The following MAGI1 variants were observed in gnomAD, a reference collection of about 807,000 sequenced individuals.
MAGI1 encodes membrane associated guanylate kinase, WW and PDZ domain containing 1.
MAGI1 carries 58 observed loss-of-function variants against 139.9 expected under a neutral mutation model. The observed-to-expected ratio is 0.41, with a 90% CI of 0.34 to 0.52. MAGI1 has a LOEUF of 0.52. Among genes scored for constraint, MAGI1 ranks in the 20% least tolerant of loss-of-function variants. The pLI is 0.12. For missense variants in MAGI1, 1,874 were observed against 1,901.6 expected, an observed-to-expected ratio of 0.99 and a Z score of 0.27; for synonymous variants, 812 against 737.9, an observed-to-expected ratio of 1.10 and a Z score of -1.63.
intron 1 of MAGI1, among the ~76,000 whole-genome samples, chr3:65,640,458 T>C (rs1032095750): frequency 6.6e-6 from 1 of 152,146 alleles, no homozygotes; most frequent in Non-Finnish European, 1.5e-5. Flanking sequence ...CACCTTTCCA[T>C]TCCAATGACT....
chr3:65,618,937 G>A (rs1187521395), intron 2 of MAGI1, among the ~76,000 whole-genome samples: 2 of 151,992 alleles, frequency 1.3e-5, no homozygotes, highest in African/African-American at 4.8e-5. Context: ...CTTTTCTGTT[G>A]GGGTTTTTCT....
chr3:65,886,653 G>A (rs1275623613), intron 1 of MAGI1, among the ~76,000 whole-genome samples: 1 of 152,186 alleles, frequency 6.6e-6, no homozygotes. Context: ...AGAATGCACA[G>A]GAGGACAATA....
chr3:65,573,981 C>T (rs1193969113), intron 2 of MAGI1, among the ~76,000 whole-genome samples: 1 of 151,906 alleles, frequency 6.6e-6, no homozygotes, highest in Non-Finnish European at 1.5e-5. Context: ...CACACACAAG[C>T]TTAAATTATT....
At chr3:66,009,179 G>T (rs1222638766) in intron 1 of MAGI1, 1 of 152,276 alleles carries the variant, frequency 6.6e-6, no homozygotes, top group African/African-American at 2.4e-5. Context: ...GCTGCCCCAG[G>T]ACATTGGAGG....
chr3:65,552,858 T>C (rs1056193695), intron 2 of MAGI1, among the ~76,000 whole-genome samples: 2 of 152,218 alleles, frequency 1.3e-5, no homozygotes. Flanking sequence ...GGTTTAATTA[T>C]GAGATGAATT....
intron 1 of MAGI1, among the ~76,000 whole-genome samples, chr3:65,945,526 AG>A (rs748815638): frequency 0.22 from 33,121 of 152,122 alleles, 4,724 homozygotes; most frequent in Non-Finnish European, 0.31. Context: ...TAGGTAGACA[AG>A]GGTGAAAAAC....
At chr3:65,909,981 A>G (rs1033806961) in intron 1 of MAGI1, among the ~76,000 whole-genome samples, 8 of 152,178 alleles carry the variant, frequency 5.3e-5, no homozygotes, top group African/African-American at 1.9e-4. Flanking sequence ...TGCAGTTCAC[A>G]ACAGGGTTCA....
intron 1 of MAGI1, among the ~76,000 whole-genome samples, chr3:66,001,458 G>C (rs540153407): frequency 1.4e-4 from 21 of 152,134 alleles, no homozygotes; most frequent in Non-Finnish European, 2.9e-4. Context: ...ATGCTAGAAA[G>C]AAAAGAGTAT....
intron 2 of MAGI1, among the ~76,000 whole-genome samples, chr3:65,611,394 T>C (rs952673038): frequency 2.8e-5 from 4 of 143,884 alleles, no homozygotes; most frequent in Non-Finnish European, 6.0e-5. Flanking sequence ...GAACACTGTA[T>C]ACTGTATATA....
rs537893275 is a variant in MAGI1, at chr3:65,503,859, G to C, written c.431-10228C>G. On this transcript the variant is annotated intron_variant, in intron 2 of 22. Transcript: ENST00000402939. ...GGGATGAAGGAAAAGAAGAAGTTTT[G>C]AGTGCCAAATCCAAGTAGCTCCAAA... 2.5e-3 allele frequency among the ~76,000 whole-genome samples: 375 copies of C among 152,238 alleles called. 3 individuals carry two copies. Among genetic ancestry groups the C allele is most frequent in the Admixed American group, 4.3e-3 (65 of 15,290 alleles).
chr3:65,476,246 G>C (rs1200850495), intron 4 of MAGI1, among the ~76,000 whole-genome samples: 1 of 152,146 alleles, frequency 6.6e-6, no homozygotes, highest in East Asian at 1.9e-4. Context: ...CAGTCAACGT[G>C]CTCCATACAT....
At chr3:65,828,758 C>T (rs529151174) in intron 1 of MAGI1, among the ~76,000 whole-genome samples, 1 of 152,284 alleles carries the variant, frequency 6.6e-6, no homozygotes, top group Admixed American at 6.5e-5. Context: ...CTCTGGATTA[C>T]CTAGTCGGGC....
At chr3:65,509,128 C>G (rs1307787210) in intron 2 of MAGI1, among the ~76,000 whole-genome samples, 1 of 152,036 alleles carries the variant, frequency 6.6e-6, no homozygotes, top group East Asian at 1.9e-4. Context: ...AGCAAAGAGT[C>G]AAAGTGTTTA....
chr3:65,556,722 G>T (rs1272968039), intron 2 of MAGI1, among the ~76,000 whole-genome samples: 6 of 152,172 alleles, frequency 3.9e-5, no homozygotes, highest in African/African-American at 9.7e-5. Flanking sequence ...CGCTGTTACA[G>T]AAGGCAGAGA....
At chr3:65,401,369 C>CCCG in intron 13 of MAGI1, 70 bp downstream of exon 13, 2 of 1,187,614 alleles carry the variant, frequency 1.7e-6, no homozygotes. Context: ...ACACAGAGTA[C>CCCG]CCTCCCACCT....
intron 1 of MAGI1, among the ~76,000 whole-genome samples, chr3:66,010,372 A>C (rs1057274275): frequency 3.9e-5 from 6 of 152,182 alleles, no homozygotes; most frequent in African/African-American, 1.4e-4. Flanking sequence ...AACTTGGGCA[A>C]TTCACAAAGT....
At chr3:65,784,149 G>C (rs1577104716) in intron 1 of MAGI1, among the ~76,000 whole-genome samples, 1 of 151,950 alleles carries the variant, frequency 6.6e-6, no homozygotes, top group Non-Finnish European at 1.5e-5. Context: ...ATAACAAGGA[G>C]TAATGAGCAC....
chr3:65,766,557 C>G (rs2037490673), intron 1 of MAGI1, among the ~76,000 whole-genome samples: 1 of 152,154 alleles, frequency 6.6e-6, no homozygotes, highest in South Asian at 2.1e-4. Context: ...AGCCACGGCC[C>G]TTGGCCGCAA....
At chr3:65,718,152 T>C (rs918643239) in intron 1 of MAGI1, among the ~76,000 whole-genome samples, 3 of 152,190 alleles carry the variant, frequency 2.0e-5, no homozygotes, top group Non-Finnish European at 2.9e-5. Flanking sequence ...ATACAACTGA[T>C]AGGCTATGTC....
Sources: allele counts gnomAD v4.1 joint callset (sites outside exome capture counted in the v4.1 genomes callset), GRCh38; gene constraint gnomAD v4.1.1; transcripts MANE v1.5; gene names NCBI Gene and HGNC (gene_info 2026-07-23, HGNC 2026-07-21).